The following CNBD2 variants were observed in gnomAD, a reference collection of about 807,000 sequenced individuals.
CNBD2 encodes cyclic nucleotide binding domain containing 2, also known as cyclic nucleotide-binding domain-containing protein 2.
In CNBD2, 64 loss-of-function variants were observed where a neutral mutation model predicts 63.7. The ratio of observed to expected loss-of-function variants is 1.00; its 90% CI spans 0.82 to 1.24. The LOEUF (loss-of-function observed/expected upper bound fraction) is 1.24. Among genes scored for constraint, CNBD2 ranks in the 50% most tolerant of loss-of-function variants. The probability of loss-of-function intolerance (pLI) is 0.00; values close to 1 mark genes in which losing one functional copy is unlikely to be tolerated. For missense variants in CNBD2, 691 were observed against 713.5 expected (o/e 0.97, Z 0.36); for synonymous variants, 229 against 255.4 (o/e 0.90, Z 0.99).
chr20:35,980,135 GC>G (rs1375028612), intron 3 of CNBD2, among the ~76,000 whole-genome samples: 1 of 152,206 alleles, frequency 6.6e-6, no homozygotes, highest in African/African-American at 2.4e-5. Flanking sequence ...GACCACTGGA[GC>G]CCAGGGAAGC....
At chr20:35,972,552 G>A in intron 1 of CNBD2, 77 bp from the exon 2 acceptor site, 4 of 1,408,388 alleles carry the variant, frequency 2.8e-6, no homozygotes, top group Non-Finnish European at 3.0e-6. Flanking sequence ...ATTTCACCTT[G>A]TTCAGCACCA....
upstream of CNBD2, among the ~76,000 whole-genome samples, chr20:35,963,805 G>A (rs962342972): frequency 6.6e-6 from 1 of 151,982 alleles, no homozygotes; most frequent in African/African-American, 2.4e-5. Flanking sequence ...AGCTATGGGC[G>A]GTGAACTGCC....
At chr20:36,013,962 A>G (rs956741378) in intron 10 of CNBD2, among the ~76,000 whole-genome samples, 8 of 152,088 alleles carry the variant, frequency 5.3e-5, no homozygotes, top group Non-Finnish European at 8.8e-5. Context: ...AGGGCGGATC[A>G]CGAGGTCAGG....
At chr20:35,993,867 C>CTTTTT (rs58873487) in intron 7 of CNBD2, among the ~76,000 whole-genome samples, 1 of 86,448 alleles carries the variant, frequency 1.2e-5, no homozygotes, top group Non-Finnish European at 2.2e-5. Flanking sequence ...TTCAGCTAAT[C>CTTTTT]TTTTTTTTTT....
chr20:35,966,927 C>T (rs2056349856), upstream of CNBD2, among the ~76,000 whole-genome samples: 1 of 152,204 alleles, frequency 6.6e-6, no homozygotes, highest in South Asian at 2.1e-4. Context: ...GCAGTTATAA[C>T]CTTTTGCTTT....
intron 8 of CNBD2, among the ~76,000 whole-genome samples, chr20:36,004,812 C>G (rs2056962847): frequency 1.3e-5 from 2 of 152,108 alleles, no homozygotes; most frequent in Non-Finnish European, 2.9e-5. Flanking sequence ...ATCTTCCCAC[C>G]TCAGCCTCCC....
chr20:36,030,206 T>TC, intron 11 of CNBD2, 151 bp from the exon 12 acceptor site: 1 of 761,004 alleles, frequency 1.3e-6, no homozygotes, highest in East Asian at 2.6e-5. Flanking sequence ...GGAAGAAAAC[T>TC]GTGGAAAGGG....
At chr20:36,011,065 G>A (rs2057052339) in intron 9 of CNBD2, 72 bp from the exon 10 acceptor site, 4 of 1,370,002 alleles carry the variant, frequency 2.9e-6, no homozygotes, top group Middle Eastern at 2.7e-4. Context: ...AGAAGAGTGA[G>A]GGCTGATTAG....
At chr20:36,006,261 C>G (rs937074834) in intron 8 of CNBD2, among the ~76,000 whole-genome samples, 1 of 151,960 alleles carries the variant, frequency 6.6e-6, no homozygotes, top group African/African-American at 2.4e-5. Context: ...AACTCCTGAC[C>G]TCTTGATCTG....
In CNBD2 at chr20:36,023,744, T is replaced by A; in HGVS notation, c.1412T>A (p.Leu471Ter). ...AATGATGACGAGATGATAAAAAAGT[T>A]GTTAAAGCTCAATATTGCATTCCCC... ...IDNDDEMIKKLLKLNIAFPSD... is the reference protein window; with the variant it reads ...IDNDDEMIKK Residue 471 changes from leucine (L) to a stop codon, truncating the protein, a stop_gained, in exon 11 of 12, where the codon TTG (leucine) becomes TAG (stop). Coordinates refer to ENST00000373973, the MANE Select transcript of CNBD2 (RefSeq NM_001365709.1). LOFTEE classifies it low-confidence loss of function (END_TRUNC). 6.2e-7 allele frequency: 1 copy of A among 1,613,176 alleles called. No individual in the cohort carries two copies. The highest frequency in any genetic ancestry group is 8.5e-7 in the Non-Finnish European group (1 of 1,179,612).
At chr20:35,994,987 A>C (rs1473879290) in intron 7 of CNBD2, 51 bp from the exon 8 acceptor site, 1 of 1,285,504 alleles carries the variant, frequency 7.8e-7, no homozygotes, top group South Asian at 1.2e-5. Flanking sequence ...AGCCTGGCCT[A>C]CCTGGAGCCT....
At position 35,968,914 on chromosome 20, in the gene CNBD2, GGTGGCCATCCT is replaced by G; in HGVS notation, c.51+104_51+114del. ...GGTGTAGGAGGGGTCTTGGATGAAT[GGTGGCCATCCT>G]GTACCTTTTGGAGTCACAGCATGGC... is the stretch of plus-strand genomic sequence containing the variant. On this transcript the variant is annotated intron_variant, in intron 1 of 11. Coordinates refer to ENST00000373973, the MANE Select transcript of CNBD2 (RefSeq NM_001365709.1). 3 of 872,160 alleles carry G rather than the reference GGTGGCCATCCT, an allele frequency of 3.4e-6. No individual in the cohort carries two copies. In the South Asian group the frequency reaches 4.5e-5, roughly 13 times the overall value. 54.0% of individuals were successfully genotyped at this position (872,160 alleles called of 1,614,324 possible).
intron 8 of CNBD2, among the ~76,000 whole-genome samples, chr20:36,007,634 C>T (rs1281636773): frequency 6.6e-6 from 1 of 152,116 alleles, no homozygotes; most frequent in East Asian, 1.9e-4. Flanking sequence ...GCAATCCTTC[C>T]ATCTCAGTGT....
chr20:35,969,043 C>T (rs1426712506), intron 1 of CNBD2, among the ~76,000 whole-genome samples: 1 of 152,124 alleles, frequency 6.6e-6, no homozygotes, highest in Non-Finnish European at 1.5e-5. Context: ...TGTTCTGTAC[C>T]CACTCTTCCT....
upstream of CNBD2, among the ~76,000 whole-genome samples, chr20:35,968,034 C>T (rs1055483500): frequency 2.0e-5 from 3 of 152,180 alleles, no homozygotes; most frequent in East Asian, 3.9e-4. Flanking sequence ...GCAATGAATC[C>T]GGAGTCGATA....
chr20:35,972,607 C>T (rs750527059), intron 1 of CNBD2, 22 bp from the exon 2 acceptor site: 4 of 1,612,742 alleles, frequency 2.5e-6, no homozygotes, highest in Non-Finnish European at 3.4e-6. Context: ...TTCTATTGAT[C>T]TTGTTTGCTT....
chr20:35,970,979 G>A (rs1197487284), intron 1 of CNBD2, among the ~76,000 whole-genome samples: 8 of 140,788 alleles, frequency 5.7e-5, no homozygotes, highest in Non-Finnish European at 3.0e-5. Flanking sequence ...ACGGAGTCTC[G>A]CTCTGTCGCC....
chr20:36,029,769 G>A (rs977284615), intron 11 of CNBD2, among the ~76,000 whole-genome samples: 1 of 152,204 alleles, frequency 6.6e-6, no homozygotes, highest in Non-Finnish European at 1.5e-5. Context: ...TGTCTGCTTA[G>A]GTAAGAGAGT....
At chr20:35,983,058 C>T (rs950379826) in intron 4 of CNBD2, among the ~76,000 whole-genome samples, 5 of 151,810 alleles carry the variant, frequency 3.3e-5, no homozygotes, top group African/African-American at 1.2e-4. Flanking sequence ...GTAAGAATAG[C>T]TAACATGGGA....
Sources: gnomAD v4.1 joint callset for allele counts (sites outside exome capture counted in the v4.1 genomes callset) on GRCh38, gnomAD v4.1.1 for gene constraint, MANE v1.5 for transcripts, NCBI Gene and HGNC (gene_info 2026-07-23, HGNC 2026-07-21) for gene names.